The following HIP1 variants were observed in gnomAD, a reference collection of about 807,000 sequenced individuals.
HIP1 encodes huntingtin-interacting protein 1.
A neutral mutation model predicts 147.6 loss-of-function variants in HIP1; 65 were observed. That is an observed-to-expected ratio of 0.44 (90% CI 0.36 to 0.54). HIP1 has a LOEUF of 0.54. HIP1 is among the 20% of genes least tolerant of loss of function. The probability of loss-of-function intolerance (pLI) is 0.00; values close to 1 mark genes in which losing one functional copy is unlikely to be tolerated. For synonymous variants in HIP1, 479 were observed against 504.0 expected (o/e 0.95, Z 0.67); for missense variants, 1,061 against 1,299.6 (o/e 0.82, Z 2.82).
At chr7:75,628,563 C>T (rs1409798213) in intron 1 of HIP1, among the ~76,000 whole-genome samples, 1 of 150,652 alleles carries the variant, frequency 6.6e-6, no homozygotes, top group Admixed American at 6.6e-5. Context: ...ACTCCAACCT[C>T]TGCCTCCCGG....
intron 1 of HIP1, among the ~76,000 whole-genome samples, chr7:75,703,115 C>T (rs1800885784): frequency 1.3e-5 from 2 of 152,156 alleles, no homozygotes; most frequent in African/African-American, 2.4e-5. Context: ...ACTGGGAGGC[C>T]GAGGCAGGTA....
At chr7:75,585,185 CTTTTTTTTT>C (rs71098036) in intron 5 of HIP1, among the ~76,000 whole-genome samples, 1 of 133,448 alleles carries the variant, frequency 7.5e-6, no homozygotes, top group South Asian at 2.4e-4. Context: ...CCCAAAACGT[CTTTTTTTTT>C]TTTTTTTTGA....
At chr7:75,573,515 C>T (rs781949743) in intron 8 of HIP1, among the ~76,000 whole-genome samples, 53 of 152,286 alleles carry the variant, frequency 3.5e-4, no homozygotes, top group South Asian at 2.1e-3. Context: ...AGCCAGAAAA[C>T]GGACACCCCA....
Position 75,562,966 on chromosome 7 carries a change from T to C in HIP1, c.989A>G (p.Asp330Gly), listed in dbSNP as rs1554494855. ...SPDSEPVLEK[D>G]DLMDMDASQQ... ...AGAGGCATCCATGTCCATGAGGTCA[T>C]CCTTCTCTAGGACTGGCTCGCTGTC... Residue 330 changes from aspartate to glycine, a missense_variant, in exon 11 of 31, where the codon GAT becomes GGT. Physicochemically the swap from Asp to Gly is moderately conservative, Grantham distance 94 (BLOSUM62 -1). Around this residue, in one of 3 missense-constraint regions of HIP1, gnomAD observed 810 missense variants for 946.8 expected, o/e 0.86. Coordinates refer to ENST00000336926, the MANE Select transcript of HIP1 (RefSeq NM_005338.7). 4.3e-6 allele frequency: 7 copies of C among 1,614,212 alleles called. No homozygotes were observed. Among genetic ancestry groups the C allele is most frequent in the African/African-American group, 1.3e-5 (1 of 75,052 alleles).
At chr7:75,610,642 C>T (rs1797399730) in intron 1 of HIP1, among the ~76,000 whole-genome samples, 1 of 151,738 alleles carries the variant, frequency 6.6e-6, no homozygotes, top group Non-Finnish European at 1.5e-5. Flanking sequence ...CCCACAGTCG[C>T]GAAGGCAGGT....
intron 1 of HIP1, among the ~76,000 whole-genome samples, chr7:75,605,095 C>T (rs1353149170): frequency 6.6e-6 from 1 of 152,150 alleles, no homozygotes; most frequent in Non-Finnish European, 1.5e-5. Flanking sequence ...CTGTCCCAGC[C>T]ATTACCCACT....
At chr7:75,647,815 G>T (rs375434171) in intron 1 of HIP1, among the ~76,000 whole-genome samples, 2 of 152,344 alleles carry the variant, frequency 1.3e-5, no homozygotes, top group East Asian at 3.9e-4. Context: ...TGAAAGGGAA[G>T]ATCATGGGTG....
rs185752720 is a variant in HIP1 at position 75,648,495 on chromosome 7, C to G, written c.121-49248G>C. Among the ~76,000 whole-genome samples, 985 of 152,180 alleles carry G rather than the reference C, an allele frequency of 6.5e-3. 13 individuals are homozygous for G. The highest frequency in any genetic ancestry group is 0.023 in the African/African-American group (963 of 41,512). On this transcript the variant is annotated intron_variant, in intron 1 of 30. Coordinates refer to ENST00000336926, the MANE Select transcript of HIP1 (RefSeq NM_005338.7). ...TTTTCCTCCTGACACTGCTGTTGCC[C>G]CGATATTAAACACAGGTGTCCATGG...
intron 1 of HIP1, among the ~76,000 whole-genome samples, chr7:75,647,211 C>CAAAAAAAAAAAAAAAAAAAAAAAAA (rs60972195): frequency 1.7e-5 from 1 of 57,992 alleles, no homozygotes; most frequent in Non-Finnish European, 3.0e-5. Flanking sequence ...ACTAAAAATA[C>CAAAAAAAAAAAAAAAAAAAAAAAAA]AAAAAAAAAA....
chr7:75,579,412 C>T (rs1279082599), intron 7 of HIP1, among the ~76,000 whole-genome samples: 3 of 152,130 alleles, frequency 2.0e-5, no homozygotes, highest in African/African-American at 7.2e-5. Context: ...CTGCCTCAGC[C>T]TCCTGAGTAG....
intron 1 of HIP1, among the ~76,000 whole-genome samples, chr7:75,688,046 C>G (rs547288250): frequency 6.6e-6 from 1 of 152,242 alleles, no homozygotes; most frequent in South Asian, 2.1e-4. Context: ...CTCCTGTCCC[C>G]CTGAAGGCCA....
intron 1 of HIP1, among the ~76,000 whole-genome samples, chr7:75,630,975 AC>A (rs1798191372): frequency 6.6e-6 from 1 of 152,026 alleles, no homozygotes; most frequent in Non-Finnish European, 1.5e-5. Flanking sequence ...ATTTTTTTAG[AC>A]AGGGTCCTGC....
chr7:75,601,738 T>G (rs1554502982), intron 1 of HIP1, among the ~76,000 whole-genome samples: 1 of 151,990 alleles, frequency 6.6e-6, no homozygotes, highest in South Asian at 2.1e-4. Context: ...AAAGGCAGAG[T>G]TGAATGGTTG....
chr7:75,548,815 A>G lies in HIP1; in HGVS notation c.2406+76T>C. 2.7e-6 allele frequency: 3 copies of G among 1,114,322 alleles called. No homozygotes were observed. In the South Asian group the frequency reaches 3.7e-5, roughly 14 times the overall value. The allele number at this position is 1,114,322 out of a possible 1,614,324, so 69.0% of individuals were successfully genotyped here. ...GCCATGGCCTTAATGAACGACTGTG[A>G]CATGTTTAATGAGCAGTGTTGCAGA... is the stretch of plus-strand genomic sequence containing the variant. On this transcript the variant is annotated intron_variant, in intron 23 of 30. Transcript: ENST00000336926.
intron 22 of HIP1, among the ~76,000 whole-genome samples, chr7:75,550,532 C>A (rs1794743317): frequency 6.6e-6 from 1 of 152,192 alleles, no homozygotes; most frequent in South Asian, 2.1e-4. Flanking sequence ...CCTGCCTCAG[C>A]CTCCTGAGTA....
At chr7:75,570,163 ACCTCGTGATCCGCC>A (rs1287855699) in intron 8 of HIP1, among the ~76,000 whole-genome samples, 1 of 151,478 alleles carries the variant, frequency 6.6e-6, no homozygotes, top group Non-Finnish European at 1.5e-5. Context: ...CAATCTCTTG[ACCTCGTGATCCGCC>A]TGCCTTGACC....
chr7:75,736,110 TTC>T (rs1315986115), intron 1 of HIP1, among the ~76,000 whole-genome samples: 2 of 149,292 alleles, frequency 1.3e-5, no homozygotes, highest in Non-Finnish European at 3.0e-5. Flanking sequence ...ATCAGAAAAA[TTC>T]TCTTTTTCTG....
Position 75,576,158 on chromosome 7 carries a change from ACT to A in HIP1, c.605-2259_605-2258del, listed in dbSNP as rs587755135. On this transcript the variant is annotated intron_variant, in intron 7 of 30. Coordinates refer to ENST00000336926, the MANE Select transcript of HIP1 (RefSeq NM_005338.7). ...GTCATCACGGACAAGTTGCTCAGTC[ACT>A]CTGTGCCTCCTGATGCTCTTCTGTT... is the stretch of plus-strand genomic sequence containing the variant. Among the ~76,000 whole-genome samples the A allele has an allele frequency of 4.4e-3, 665 of 152,160 alleles. 6 individuals carry two copies. Among genetic ancestry groups the A allele is most frequent in the Non-Finnish European group, 4.7e-3 (323 of 68,000 alleles).
intron 1 of HIP1, among the ~76,000 whole-genome samples, chr7:75,696,643 C>T (rs1356004227): frequency 6.8e-6 from 1 of 147,426 alleles, no homozygotes; most frequent in African/African-American, 2.5e-5. Flanking sequence ...CTCTGTTGCC[C>T]ATGCCAGAGT....
Sources: gnomAD v4.1 joint callset for allele counts (sites outside exome capture counted in the v4.1 genomes callset) on GRCh38, gnomAD v4.1.1 for gene constraint, gnomAD v4.1.1 regional missense constraint, MANE v1.5 for transcripts, NCBI Gene and HGNC (gene_info 2026-07-23, HGNC 2026-07-21) for gene names.